The following ROCK2 variants were observed in gnomAD, a reference collection of about 807,000 sequenced individuals.
ROCK2 encodes Rho associated coiled-coil containing protein kinase 2.
Under a neutral mutation model 195.1 loss-of-function variants are expected in ROCK2, and 61 were observed. The ratio of observed to expected loss-of-function variants is 0.31; its 90% CI spans 0.25 to 0.39. The LOEUF (loss-of-function observed/expected upper bound fraction) is 0.39. ROCK2 is among the 10% of genes least tolerant of loss of function. The pLI is 1.00. For synonymous variants in ROCK2, 504 were observed against 545.5 expected (o/e 0.92, Z 1.06); for missense variants, 1,109 against 1,637.4 (o/e 0.68, Z 5.57).
At chr2:11,313,490 A>G (rs1668100530) in intron 1 of ROCK2, among the ~76,000 whole-genome samples, 1 of 151,774 alleles carries the variant, frequency 6.6e-6, no homozygotes, top group African/African-American at 2.4e-5. Context: ...TGTCGTTTGC[A>G]TTTCTTTGGT....
At chr2:11,341,360 C>T (rs1669100366) in intron 1 of ROCK2, among the ~76,000 whole-genome samples, 2 of 152,250 alleles carry the variant, frequency 1.3e-5, no homozygotes, top group South Asian at 4.1e-4. Context: ...GCAAATAAAA[C>T]CATTTTCCTT....
chr2:11,192,640 T>G lies in ROCK2; in HGVS notation c.3760A>C (p.Asn1254His). Residue 1254 changes from asparagine (N) to histidine (H), a missense_variant, in exon 31 of 33, where the codon AAT becomes CAT. Transcript: ENST00000315872. The surrounding 1 kb of genome is among the most constrained non-coding windows in gnomAD (Gnocchi z 5.0). ...FPVEPVGEKSNYICHKGHEFI... is the reference protein window; with the variant it reads ...FPVEPVGEKSHYICHKGHEFI... ...TCATGTCCCTTGTGGCAAATATAAT[T>G]AGATTTTTCTCCAACTGGCTCCACT... 1 of 1,613,946 alleles carries G rather than the reference T, an allele frequency of 6.2e-7. No individual in the cohort carries two copies. The highest frequency in any genetic ancestry group is 8.5e-7 in the Non-Finnish European group (1 of 1,179,932).
At chr2:11,322,460 G>A (rs1334242269) in intron 1 of ROCK2, among the ~76,000 whole-genome samples, 3 of 151,462 alleles carry the variant, frequency 2.0e-5, no homozygotes, top group Non-Finnish European at 4.4e-5. Context: ...CATGACTGTT[G>A]CTGCCATTGT....
chr2:11,216,514 C>CTTTT (rs78853931), intron 12 of ROCK2, among the ~76,000 whole-genome samples: 7 of 139,396 alleles, frequency 5.0e-5, no homozygotes, highest in African/African-American at 1.8e-4. Flanking sequence ...TTTCTTTTTT[C>CTTTT]TTTTTTTTTT....
At position 11,182,616 on chromosome 2, in the gene ROCK2, T is replaced by A. The variant is rs953067364; in HGVS notation, c.*821A>T. ...ACGATTTATCTTCCACAAAGCTAGT[T>A]TACATCCTAAGAGCTGGTAAACGCT... On this transcript the variant is annotated 3_prime_UTR_variant, in exon 33 of 33. Transcript: ENST00000315872. 1 of 152,600 alleles carries A rather than the reference T, an allele frequency of 6.6e-6. No homozygotes were observed. Among genetic ancestry groups the A allele is most frequent in the Non-Finnish European group, 1.5e-5 (1 of 68,040 alleles). 9.5% of individuals were successfully genotyped at this position (152,600 alleles called of 1,614,324 possible). A position where few individuals can be genotyped will look rare whatever the true frequency, so the allele number is the denominator to read the frequency against.
rs1404841699 is a variant in ROCK2 at position 11,305,474 on chromosome 2, C to T, written c.142-17738G>A. 2.0e-5 allele frequency among the ~76,000 whole-genome samples: 3 copies of T among 148,522 alleles called. No individual in the cohort carries two copies. In the East Asian group the frequency reaches 6.0e-4, roughly 30 times the overall value. ...ACACACACACACACACACACACACA[C>T]ACACTTACGTGCATGCACATGCTTC... On this transcript the variant is annotated intron_variant, in intron 1 of 32. Coordinates refer to ENST00000315872, the MANE Select transcript of ROCK2 (RefSeq NM_004850.5).
chr2:11,315,699 A>G (rs923691586), intron 1 of ROCK2, among the ~76,000 whole-genome samples: 8 of 152,152 alleles, frequency 5.3e-5, no homozygotes, highest in Admixed American at 3.9e-4. Context: ...TAGTGAAAAA[A>G]CTCATCAGAA....
intron 3 of ROCK2, among the ~76,000 whole-genome samples, chr2:11,250,235 A>G (rs1242717020): frequency 1.3e-5 from 2 of 152,216 alleles, no homozygotes; most frequent in East Asian, 1.9e-4. Flanking sequence ...ATAAATTTAG[A>G]TATCAAGGGA....
chr2:11,240,942 A>C (rs1347148998), intron 4 of ROCK2, among the ~76,000 whole-genome samples: 4 of 152,206 alleles, frequency 2.6e-5, no homozygotes. Flanking sequence ...TACCGTATAT[A>C]TTTTCCATCA....
At chr2:11,187,496 G>T (rs1452113022) in intron 32 of ROCK2, among the ~76,000 whole-genome samples, 1 of 152,172 alleles carries the variant, frequency 6.6e-6, no homozygotes, top group African/African-American at 2.4e-5. Context: ...TATCCCTTGA[G>T]ATAAAGGGGG....
intron 32 of ROCK2, among the ~76,000 whole-genome samples, chr2:11,191,445 G>T (rs1232427670): frequency 6.6e-6 from 1 of 152,062 alleles, no homozygotes; most frequent in Non-Finnish European, 1.5e-5. Context: ...TTTTAAAGCT[G>T]GTCTATGTTG....
At chr2:11,309,054 C>T in intron 1 of ROCK2, 1 of 1,475,794 alleles carries the variant, frequency 6.8e-7, no homozygotes, top group South Asian at 1.3e-5. Flanking sequence ...CGTACCCAGA[C>T]CAGTAGGCCG....
Position 11,194,937 on chromosome 2 carries a change from T to A in ROCK2, c.3519+18A>T. The A allele has an allele frequency of 6.8e-7, 1 of 1,465,988 alleles. No homozygotes were observed. The highest frequency in any genetic ancestry group is 1.3e-5 in the South Asian group (1 of 78,556). 90.8% of individuals were successfully genotyped at this position (1,465,988 alleles called of 1,614,324 possible). A position where few individuals can be genotyped will look rare whatever the true frequency, so the allele number is the denominator to read the frequency against. Reference sequence around the variant, plus strand: ...CAAAAACAAAAACAAAAGGCTCATATTCCAAAGTATCAATTACCTTTTTAA... The same window carrying A: ...CAAAAACAAAAACAAAAGGCTCATAATCCAAAGTATCAATTACCTTTTTAA... On this transcript the variant is annotated intron_variant, in intron 28 of 32. Coordinates refer to ENST00000315872, the MANE Select transcript of ROCK2 (RefSeq NM_004850.5).
At chr2:11,262,230 T>G (rs1318231944) in intron 3 of ROCK2, among the ~76,000 whole-genome samples, 1 of 152,118 alleles carries the variant, frequency 6.6e-6, no homozygotes, top group Non-Finnish European at 1.5e-5. Context: ...ACCATCTAAC[T>G]GGCTATACAT....
intron 1 of ROCK2, among the ~76,000 whole-genome samples, chr2:11,299,852 G>A (rs1667651987): frequency 6.6e-6 from 1 of 152,172 alleles, no homozygotes; most frequent in Non-Finnish European, 1.5e-5. Context: ...TACCCAGGAG[G>A]CAACAGTTCT....
At chr2:11,218,103 ACT>A in intron 11 of ROCK2, 1 of 178,654 alleles carries the variant, frequency 5.6e-6, no homozygotes, top group South Asian at 1.9e-4. Context: ...CTTAAGCAAA[ACT>A]CTGTTTTCCC....
intron 1 of ROCK2, among the ~76,000 whole-genome samples, chr2:11,316,792 A>G (rs1052329502): frequency 1.3e-5 from 2 of 152,196 alleles, no homozygotes; most frequent in Non-Finnish European, 1.5e-5. Context: ...GACTGCTAAT[A>G]AGTCATTCTA....
chr2:11,258,010 T>C (rs1020690129), intron 3 of ROCK2, among the ~76,000 whole-genome samples: 2 of 151,468 alleles, frequency 1.3e-5, no homozygotes, highest in Admixed American at 1.3e-4. Context: ...AAGTGTATTT[T>C]TGTCACTTCA....
chr2:11,339,348 T>C (rs796496841), intron 1 of ROCK2, among the ~76,000 whole-genome samples: 35 of 152,142 alleles, frequency 2.3e-4, no homozygotes, highest in African/African-American at 7.5e-4. Context: ...TCACCCTTAC[T>C]ATACTTCGAA....
Sources: allele counts gnomAD v4.1 joint callset (sites outside exome capture counted in the v4.1 genomes callset), GRCh38; gene constraint gnomAD v4.1.1; non-coding constraint Gnocchi (gnomAD v3.1); transcripts MANE v1.5; gene names NCBI Gene and HGNC (gene_info 2026-07-23, HGNC 2026-07-21).